Variants in SH3BGR observed in about 807,000 individuals in gnomAD.
SH3BGR encodes the protein SH3 domain-binding glutamic acid-rich protein.
SH3BGR carries 29 observed loss-of-function variants against 24.5 expected under a neutral mutation model. The observed-to-expected ratio is 1.18, with a 90% CI of 0.88 to 1.61. The LOEUF is 1.61. Among genes scored for constraint, SH3BGR ranks in the 40% most tolerant of loss-of-function variants. The probability of loss-of-function intolerance (pLI) is 0.00; values close to 1 mark genes in which losing one functional copy is unlikely to be tolerated. For missense variants in SH3BGR, 162 were observed against 205.8 expected, an observed-to-expected ratio of 0.79 and a Z score of 1.30; for synonymous variants, 55 against 65.7, an observed-to-expected ratio of 0.84 and a Z score of 0.79.
At chr21:39,476,114 GT>G (rs1283664450) in intron 3 of SH3BGR, among the ~76,000 whole-genome samples, 1 of 152,226 alleles carries the variant, frequency 6.6e-6, no homozygotes, top group East Asian at 1.9e-4. Flanking sequence ...GGAGACCAGA[GT>G]GGGGGTGGAG....
chr21:39,457,925 A>T lies in SH3BGR; in HGVS notation c.46-4450A>T, dbSNP rs569830383. Among the ~76,000 whole-genome samples the T allele has an allele frequency of 2.0e-5, 3 of 152,298 alleles. No homozygotes were observed. The South Asian group carries it at 6.2e-4, about 32-fold the overall frequency. ...GGGCAACAGAGGGAGACCCTGTGTC[A>T]AAAGAAAAAACAAGAAACAAAAAAA... On this transcript the variant is annotated intron_variant, in intron 1 of 6. Coordinates refer to ENST00000333634, the MANE Select transcript of SH3BGR (RefSeq NM_007341.3).
chr21:39,480,901 G>A (rs2078119100), intron 3 of SH3BGR, among the ~76,000 whole-genome samples: 2 of 152,138 alleles, frequency 1.3e-5, no homozygotes, highest in African/African-American at 4.8e-5. Context: ...TCATGTATAT[G>A]CTTCTCCAGA....
intron 3 of SH3BGR, among the ~76,000 whole-genome samples, chr21:39,485,865 T>G (rs2078204117): frequency 6.6e-6 from 1 of 151,616 alleles, no homozygotes; most frequent in African/African-American, 2.4e-5. Context: ...TTTTTTGTGT[T>G]TTTTAGTAGA....
At chr21:39,446,536 C>G (rs1034256200) in intron 1 of SH3BGR, among the ~76,000 whole-genome samples, 3 of 152,110 alleles carry the variant, frequency 2.0e-5, no homozygotes, top group Admixed American at 2.0e-4. Flanking sequence ...GTAAGTGTCC[C>G]GATACTTGGC....
chr21:39,506,708 C>T (rs987656580), intron 4 of SH3BGR, among the ~76,000 whole-genome samples: 7 of 152,102 alleles, frequency 4.6e-5, no homozygotes, highest in Non-Finnish European at 1.0e-4. Context: ...TCCACCTGGC[C>T]CCACCCTTGA....
intron 4 of SH3BGR, among the ~76,000 whole-genome samples, chr21:39,502,832 G>A (rs2078518589): frequency 1.3e-5 from 2 of 152,328 alleles, no homozygotes; most frequent in Admixed American, 6.5e-5. Context: ...GACCGCGGAC[G>A]CTGCTGCCTG....
At chr21:39,469,718 A>G (rs1396772334) in intron 2 of SH3BGR, among the ~76,000 whole-genome samples, 2 of 151,596 alleles carry the variant, frequency 1.3e-5, no homozygotes, top group Non-Finnish European at 2.9e-5. Flanking sequence ...CAGTGGCCCG[A>G]TCTCAGCTCA....
intron 2 of SH3BGR, among the ~76,000 whole-genome samples, chr21:39,470,868 A>T (rs2077927199): frequency 6.6e-6 from 1 of 152,072 alleles, no homozygotes; most frequent in Non-Finnish European, 1.5e-5. Flanking sequence ...TTGTTTGTTT[A>T]AAAAAAGGTA....
Position 39,515,504 on chromosome 21 carries a change from A to T in SH3BGR, c.*451A>T, listed in dbSNP as rs1240920413. On this transcript the variant is annotated 3_prime_UTR_variant, in exon 7 of 7. Coordinates refer to ENST00000333634, the MANE Select transcript of SH3BGR (RefSeq NM_007341.3). Reference sequence around the variant, plus strand: ...CATATAAATAAAGATTAATAGAAAAATATCTTGTCCCAAGGAGCATCATTT... The same window carrying T: ...CATATAAATAAAGATTAATAGAAAATTATCTTGTCCCAAGGAGCATCATTT... The T allele has an allele frequency of 1.3e-5, 2 of 154,270 alleles. No homozygotes were observed. The highest frequency in any genetic ancestry group is 4.8e-5 in the African/African-American group (2 of 41,448). 9.6% of individuals were successfully genotyped at this position (154,270 alleles called of 1,614,324 possible).
intron 5 of SH3BGR, among the ~76,000 whole-genome samples, chr21:39,510,431 C>CACACACACACACACACACACTGTAGCT (rs1569178105): frequency 2.9e-5 from 1 of 33,982 alleles, no homozygotes; most frequent in Non-Finnish European, 6.0e-5. Context: ...ACTGTAGCTA[C>CACACACACACACACACACACTGTAGCT]ACACACACAC....
chr21:39,460,307 T>C (rs1353175737), intron 1 of SH3BGR, among the ~76,000 whole-genome samples: 1 of 152,220 alleles, frequency 6.6e-6, no homozygotes, highest in Non-Finnish European at 1.5e-5. Flanking sequence ...GTAGTCTCTG[T>C]GTGAGCTTTT....
chr21:39,480,944 A>AT (rs1434758790), intron 3 of SH3BGR, among the ~76,000 whole-genome samples: 1 of 152,226 alleles, frequency 6.6e-6, no homozygotes, highest in Non-Finnish European at 1.5e-5. Context: ...TTTAGTTAAG[A>AT]AACTCAAATA....
At chr21:39,458,262 G>A (rs2148453835) in intron 1 of SH3BGR, among the ~76,000 whole-genome samples, 1 of 152,178 alleles carries the variant, frequency 6.6e-6, no homozygotes, top group East Asian at 1.9e-4. Context: ...CTATTCAGAA[G>A]ACTTTTAAAA....
chr21:39,488,692 C>A, intron 3 of SH3BGR: 1 of 428,646 alleles, frequency 2.3e-6, no homozygotes, highest in South Asian at 2.0e-5. Flanking sequence ...CCTTGTCATA[C>A]TGGGTGGGAA....
At chr21:39,448,428 A>G (rs2077535963), upstream of SH3BGR, among the ~76,000 whole-genome samples, 1 of 152,220 alleles carries the variant, frequency 6.6e-6, no homozygotes, top group Admixed American at 6.5e-5. Context: ...GGGGGTCTCT[A>G]TGAAGTTTGT....
rs963030496 is a variant in SH3BGR at position 39,490,039 on chromosome 21, G to A, written c.313-9784G>A. Among the ~76,000 whole-genome samples the A allele has an allele frequency of 3.9e-5, 6 of 152,314 alleles. No homozygotes were observed. In the South Asian group the frequency reaches 6.2e-4, roughly 16 times the overall value. On this transcript the variant is annotated intron_variant, in intron 3 of 6. Coordinates refer to ENST00000333634, the MANE Select transcript of SH3BGR (RefSeq NM_007341.3). ...AGAAGGGAAATAAGTGTAAGTGTTCGAAAGGGCGCATCTCAATTGCAGGTG... is the reference window on the plus strand; with the variant it reads ...AGAAGGGAAATAAGTGTAAGTGTTCAAAAGGGCGCATCTCAATTGCAGGTG...
chr21:39,505,491 G>A (rs1246155895), intron 4 of SH3BGR, among the ~76,000 whole-genome samples: 4 of 152,274 alleles, frequency 2.6e-5, no homozygotes, highest in East Asian at 1.9e-4. Flanking sequence ...AGCCAGATGC[G>A]GTGTCTCACA....
At chr21:39,462,866 G>A (rs2077777202) in intron 2 of SH3BGR, among the ~76,000 whole-genome samples, 1 of 152,246 alleles carries the variant, frequency 6.6e-6, no homozygotes, top group Admixed American at 6.5e-5. Context: ...ATTCTGTTCA[G>A]CCTTGCAGTG....
intron 1 of SH3BGR, among the ~76,000 whole-genome samples, chr21:39,454,436 T>C (rs2077622464): frequency 6.6e-6 from 1 of 152,222 alleles, no homozygotes; most frequent in African/African-American, 2.4e-5. Context: ...ATTTTAATAG[T>C]TGACTTCAAA....
Sources: allele counts gnomAD v4.1 joint callset (sites outside exome capture counted in the v4.1 genomes callset), GRCh38; gene constraint gnomAD v4.1.1; transcripts MANE v1.5; gene names NCBI Gene and HGNC (gene_info 2026-07-23, HGNC 2026-07-21).